MINDY4B: variants seen among roughly 807,000 people sequenced by gnomAD.
MINDY4B encodes MINDY family member 4B.
In MINDY4B, 25 loss-of-function variants were observed where a neutral mutation model predicts 16.7. The ratio of observed to expected loss-of-function variants is 1.49; its 90% CI spans 1.09 to 2.09. The LOEUF is 2.09. MINDY4B is among the 30% of genes most tolerant of loss of function. The pLI, the probability that MINDY4B is intolerant of heterozygous loss-of-function variation, is 0.00. For synonymous variants in MINDY4B, 132 were observed against 61.9 expected (o/e 2.13, Z -5.32); for missense variants, 327 against 168.4 (o/e 1.94, Z -5.21).
chr3:150,903,132 A>G (rs1712155407), intron 3 of MINDY4B, 117 bp downstream of exon 3: 1 of 396,868 alleles, frequency 2.5e-6, no homozygotes, highest in Non-Finnish European at 4.4e-6. Flanking sequence ...ACCAATAACA[A>G]CCATCTGTAG....
intron 2 of MINDY4B, among the ~76,000 whole-genome samples, chr3:150,903,637 T>C (rs1222477930): frequency 2.0e-5 from 3 of 152,134 alleles, no homozygotes; most frequent in Non-Finnish European, 4.4e-5. Context: ...CTTGGAGAGG[T>C]TAAATGTAAC....
intron 7 of MINDY4B, 92 bp downstream of exon 7, chr3:150,890,228 C>T (rs774735766): frequency 4.9e-6 from 2 of 409,432 alleles, no homozygotes; most frequent in Non-Finnish European, 4.3e-6. Flanking sequence ...GTTTTCTTAA[C>T]AGGCATCATT....
At chr3:150,893,618 C>T (rs1007836551) in intron 4 of MINDY4B, among the ~76,000 whole-genome samples, 8 of 149,108 alleles carry the variant, frequency 5.4e-5, no homozygotes, top group African/African-American at 2.0e-4. Context: ...TTGTGGAGAC[C>T]TGTGGACTGG....
chr3:150,876,736 G>A (rs945484885), intron 10 of MINDY4B, among the ~76,000 whole-genome samples: 1 of 152,192 alleles, frequency 6.6e-6, no homozygotes, highest in Non-Finnish European at 1.5e-5. Context: ...TGCCAGGGCT[G>A]CCGTAGGAGT....
In MINDY4B at chr3:150,871,119, G is replaced by A. The variant is rs1716955332; in HGVS notation, c.1309C>T (p.Pro437Ser). ...EKHGPRRRFSPVEMAIRTKWS... is the reference protein window; with the variant it reads ...EKHGPRRRFSSVEMAIRTKWS... The stretch of plus-strand genomic sequence containing the variant: ...TTGGTTCTGATTGCCATCTCCACTG[G>A]TGAAAACCGTCGTCTTGGTCCATGT... The change falls in exon 12 of 12, where the codon CCA becomes TCA. Residue 437 changes from proline (P) to serine (S), a missense_variant. Coordinates refer to ENST00000465419, the MANE Select transcript of MINDY4B (RefSeq NM_001351281.2). 1.4e-6 allele frequency: 1 copy of A among 702,830 alleles called. No homozygotes were observed. The highest frequency in any genetic ancestry group is 2.7e-5 in the East Asian group (1 of 37,274). The allele number at this position is 702,830 out of a possible 1,614,324, so 43.5% of individuals were successfully genotyped here.
intron 10 of MINDY4B, among the ~76,000 whole-genome samples, chr3:150,877,621 C>T (rs1711498878): frequency 6.6e-6 from 1 of 152,138 alleles, no homozygotes; most frequent in South Asian, 2.1e-4. Context: ...GATTTCCATA[C>T]ACCCGACAAG....
intron 3 of MINDY4B, among the ~76,000 whole-genome samples, chr3:150,897,941 G>T (rs958599898): frequency 6.6e-6 from 1 of 152,240 alleles, no homozygotes; most frequent in African/African-American, 2.4e-5. Context: ...CATTGAGATT[G>T]CACAGCACAG....
At chr3:150,872,814 A>G (rs540349673) in intron 11 of MINDY4B, among the ~76,000 whole-genome samples, 1 of 152,354 alleles carries the variant, frequency 6.6e-6, no homozygotes, top group South Asian at 2.1e-4. Flanking sequence ...AGATAGCATC[A>G]GCCAATTCTT....
At chr3:150,878,346 C>T (rs1332122066) in intron 10 of MINDY4B, among the ~76,000 whole-genome samples, 2 of 152,108 alleles carry the variant, frequency 1.3e-5, no homozygotes, top group Admixed American at 6.6e-5. Context: ...CACCTTGATA[C>T]GTATGTTTCT....
intron 7 of MINDY4B, among the ~76,000 whole-genome samples, chr3:150,887,084 A>G (rs1418398615): frequency 6.6e-6 from 1 of 152,244 alleles, no homozygotes; most frequent in Non-Finnish European, 1.5e-5. Context: ...GAACATTTAT[A>G]GCACTATACC....
At chr3:150,890,613 T>C in intron 6 of MINDY4B, 1 of 496,422 alleles carries the variant, frequency 2.0e-6, no homozygotes, top group East Asian at 3.0e-5. Flanking sequence ...TGTAATATCT[T>C]GAGCAGTAAA....
At chr3:150,899,847 G>A (rs1013201376) in intron 3 of MINDY4B, among the ~76,000 whole-genome samples, 7 of 152,170 alleles carry the variant, frequency 4.6e-5, no homozygotes, top group African/African-American at 1.7e-4. Context: ...ACCTTATGGG[G>A]GGACACCCGG....
intron 5 of MINDY4B, among the ~76,000 whole-genome samples, chr3:150,891,687 G>C (rs965352682): frequency 1.3e-5 from 2 of 150,604 alleles, no homozygotes; most frequent in Middle Eastern, 6.8e-3. Context: ...GTTTGAACCC[G>C]GGAGTCAGAG....
At chr3:150,878,053 A>C (rs1178956188) in intron 10 of MINDY4B, among the ~76,000 whole-genome samples, 5 of 152,108 alleles carry the variant, frequency 3.3e-5, no homozygotes, top group African/African-American at 1.2e-4. Context: ...TCTTATCTCT[A>C]AAATGAATGA....
intron 5 of MINDY4B, among the ~76,000 whole-genome samples, chr3:150,891,933 C>A (rs1711824748): frequency 6.6e-6 from 1 of 152,136 alleles, no homozygotes; most frequent in Admixed American, 6.5e-5. Flanking sequence ...GTTACTTGTT[C>A]ACATTTATTT....
intron 10 of MINDY4B, among the ~76,000 whole-genome samples, chr3:150,880,355 G>A (rs956085394): frequency 1.4e-4 from 21 of 151,468 alleles, no homozygotes; most frequent in African/African-American, 4.9e-4. Flanking sequence ...GCGCACACGC[G>A]CCCATTGGTG....
At chr3:150,898,776 T>C (rs2107910318) in intron 3 of MINDY4B, among the ~76,000 whole-genome samples, 1 of 152,308 alleles carries the variant, frequency 6.6e-6, no homozygotes, top group East Asian at 1.9e-4. Flanking sequence ...GTGATGGTGA[T>C]CATCATTTAG....
chr3:150,877,917 G>C (rs1433706798), intron 10 of MINDY4B, among the ~76,000 whole-genome samples: 1 of 152,116 alleles, frequency 6.6e-6, no homozygotes, highest in Non-Finnish European at 1.5e-5. Flanking sequence ...AATAATCAAA[G>C]ATGATAATGG....
intron 10 of MINDY4B, among the ~76,000 whole-genome samples, chr3:150,880,329 G>A (rs992223570): frequency 2.6e-5 from 4 of 152,206 alleles, no homozygotes; most frequent in Non-Finnish European, 5.9e-5. Context: ...GTGTGTGTGT[G>A]TGTGTGTGTG....
Sources: allele counts gnomAD v4.1 joint callset (sites outside exome capture counted in the v4.1 genomes callset), GRCh38; gene constraint gnomAD v4.1.1; transcripts MANE v1.5; gene names NCBI Gene and HGNC (gene_info 2026-07-23, HGNC 2026-07-21).